Variants in PARN observed in about 807,000 individuals in gnomAD.
PARN encodes poly(A)-specific ribonuclease PARN.
Under a neutral mutation model 102.8 loss-of-function variants are expected in PARN, and 71 were observed. That is an observed-to-expected ratio of 0.69 (90% CI 0.57 to 0.84). The LOEUF (loss-of-function observed/expected upper bound fraction) is 0.84. Ranked by LOEUF, PARN falls within the 40% of genes least tolerant of loss-of-function variation. The probability of loss-of-function intolerance (pLI) is 0.00; values close to 1 mark genes in which losing one functional copy is unlikely to be tolerated. For synonymous variants in PARN, 261 were observed against 252.9 expected (o/e 1.03, Z -0.30); for missense variants, 782 against 760.9 (o/e 1.03, Z -0.33).
At chr16:14,543,905 C>T (rs1287143022) in intron 21 of PARN, among the ~76,000 whole-genome samples, 2 of 152,136 alleles carry the variant, frequency 1.3e-5, no homozygotes, top group East Asian at 3.9e-4. Context: ...AATAAAAAAG[C>T]AAAACCCGGC....
intron 21 of PARN, among the ~76,000 whole-genome samples, chr16:14,510,739 G>A (rs1237559722): frequency 1.3e-5 from 2 of 152,166 alleles, no homozygotes; most frequent in Non-Finnish European, 2.9e-5. Flanking sequence ...AACAGCATGA[G>A]GCCCAGGACA....
At chr16:14,537,143 A>G (rs775632449) in intron 21 of PARN, among the ~76,000 whole-genome samples, 1 of 152,216 alleles carries the variant, frequency 6.6e-6, no homozygotes, top group Non-Finnish European at 1.5e-5. Context: ...CAGAAAAGGC[A>G]TTTCTCAAAA....
chr16:14,596,788 CTTTTT>C (rs200386556), intron 12 of PARN, among the ~76,000 whole-genome samples: 1 of 135,724 alleles, frequency 7.4e-6, no homozygotes, highest in Non-Finnish European at 1.6e-5. Flanking sequence ...TTTTTCTTTC[CTTTTT>C]TTTTTTTTTT....
At chr16:14,439,899 C>T (rs2151548339) in intron 23 of PARN, among the ~76,000 whole-genome samples, 1 of 152,228 alleles carries the variant, frequency 6.6e-6, no homozygotes, top group Non-Finnish European at 1.5e-5. Context: ...CCTGTAATCC[C>T]AGCTACTCAG....
intron 18 of PARN, among the ~76,000 whole-genome samples, chr16:14,577,206 A>G (rs886266024): frequency 4.6e-5 from 7 of 152,326 alleles, no homozygotes; most frequent in African/African-American, 1.7e-4. Context: ...TAATCTTCAG[A>G]AAATCTTGCA....
chr16:14,454,568 C>T (rs938877437), intron 22 of PARN, among the ~76,000 whole-genome samples: 5 of 152,044 alleles, frequency 3.3e-5, no homozygotes, highest in Admixed American at 6.6e-5. Flanking sequence ...TTCTATGAGT[C>T]GCTTCAAGTT....
chr16:14,504,177 A>G lies in PARN; in HGVS notation c.1481-21350T>C, dbSNP rs368039446. 2.0e-5 allele frequency among the ~76,000 whole-genome samples: 3 copies of G among 152,336 alleles called. No homozygotes were observed. The South Asian group carries it at 6.2e-4, about 32-fold the overall frequency. On this transcript the variant is annotated intron_variant, in intron 21 of 23. Transcript: ENST00000437198. The stretch of plus-strand genomic sequence containing the variant: ...ATGCACAAGGATACGTAAATTTTTA[A>G]ATTAAAAATGTCTTCAAAACACAAA...
At chr16:14,499,772 A>G (rs534157746) in intron 21 of PARN, among the ~76,000 whole-genome samples, 1 of 152,334 alleles carries the variant, frequency 6.6e-6, no homozygotes, top group East Asian at 1.9e-4. Flanking sequence ...GCTACTCAGG[A>G]GGAGGAGGCA....
intron 10 of PARN, 38 bp downstream of exon 10, chr16:14,606,446 T>A: frequency 2.5e-6 from 3 of 1,181,472 alleles, no homozygotes; most frequent in Middle Eastern, 2.0e-4. Context: ...TAACAATGGA[T>A]GTGTTTAATG....
chr16:14,548,368 A>G (rs1967091341), intron 21 of PARN, among the ~76,000 whole-genome samples: 1 of 152,212 alleles, frequency 6.6e-6, no homozygotes, highest in Admixed American at 6.5e-5. Flanking sequence ...CATCTGCATA[A>G]TTTTAGAAAT....
intron 7 of PARN, among the ~76,000 whole-genome samples, chr16:14,609,816 C>A (rs873781): frequency 0.048 from 7,303 of 152,288 alleles, 293 homozygotes; most frequent in Admixed American, 0.11. Context: ...ATGCTACAGG[C>A]TGGATAAGCC....
At chr16:14,510,059 G>A (rs929534518) in intron 21 of PARN, among the ~76,000 whole-genome samples, 2 of 152,168 alleles carry the variant, frequency 1.3e-5, no homozygotes, top group Admixed American at 6.5e-5. Flanking sequence ...GGATGTTCCC[G>A]TTGAGAAGGA....
chr16:14,498,639 G>A (rs1281284955), intron 21 of PARN, among the ~76,000 whole-genome samples: 5 of 151,954 alleles, frequency 3.3e-5, no homozygotes, highest in African/African-American at 7.3e-5. Context: ...CAGCTCCTCC[G>A]TGCCTTCATG....
chr16:14,467,092 C>A (rs1488523076), intron 22 of PARN, among the ~76,000 whole-genome samples: 1 of 152,214 alleles, frequency 6.6e-6, no homozygotes, highest in Non-Finnish European at 1.5e-5. Flanking sequence ...AGCCATCAAC[C>A]ATGTGGAGAA....
At position 14,554,149 on chromosome 16, in the gene PARN, G is replaced by T. The variant is rs767838179; in HGVS notation, c.1321C>A (p.Gln441Lys). ...PYLNLEGPDL[Q>K]PKRDHVLHVT... ...TGGAGAACATGATCACGTTTAGGCTGCACTACAAGACAAATTTATGATGAA... is the reference window on the plus strand; with the variant it reads ...TGGAGAACATGATCACGTTTAGGCTTCACTACAAGACAAATTTATGATGAA... The change falls in exon 20 of 24, where the codon CAG (glutamine) becomes AAG (lysine). Residue 441 changes from glutamine to lysine, a missense_variant and splice_region_variant. By Grantham distance (53) the Gln-to-Lys change is moderately conservative. Transcript: ENST00000437198. 6.2e-7 allele frequency: 1 copy of T among 1,605,370 alleles called. No homozygotes were observed. Among genetic ancestry groups the T allele is most frequent in the East Asian group, 2.2e-5 (1 of 44,780 alleles).
At chr16:14,506,896 CA>C (rs1206686413) in intron 21 of PARN, among the ~76,000 whole-genome samples, 1 of 151,964 alleles carries the variant, frequency 6.6e-6, no homozygotes, top group Non-Finnish European at 1.5e-5. Flanking sequence ...ACTCCAAAAA[CA>C]AACAAAAAAG....
chr16:14,539,274 A>C (rs1966749235), intron 21 of PARN, among the ~76,000 whole-genome samples: 1 of 152,116 alleles, frequency 6.6e-6, no homozygotes, highest in South Asian at 2.1e-4. Flanking sequence ...AGAATATGAA[A>C]CTTCGGTCTC....
Position 14,581,949 on chromosome 16 carries a change from C to T in PARN, c.1192+232G>A, listed in dbSNP as rs138343940. On this transcript the variant is annotated intron_variant, in intron 17 of 23. Transcript: ENST00000437198. The stretch of plus-strand genomic sequence containing the variant: ...CTTCTGCTCTCTCTGCTCTCCACCA[C>T]GTAAGGACAGGAGAAGGCAGCCATC... Among the ~76,000 whole-genome samples the T allele has an allele frequency of 2.2e-3, 328 of 152,280 alleles. 3 individuals carry two copies. The highest frequency in any genetic ancestry group is 7.4e-3 in the African/African-American group (308 of 41,554).
At chr16:14,437,475 C>T (rs979843892) in intron 23 of PARN, among the ~76,000 whole-genome samples, 15 of 152,194 alleles carry the variant, frequency 9.9e-5, no homozygotes, top group African/African-American at 3.6e-4. Context: ...TTGAAAAGAT[C>T]TCTTCAGTGA....
Sources: allele counts gnomAD v4.1 joint callset (sites outside exome capture counted in the v4.1 genomes callset), GRCh38; gene constraint gnomAD v4.1.1; transcripts MANE v1.5; gene names NCBI Gene and HGNC (gene_info 2026-07-23, HGNC 2026-07-21).